Variants in LOC400499 observed in about 807,000 individuals in gnomAD.
the LOC400499 span, among the ~76,000 whole-genome samples, chr16:11,495,423 C>T: frequency 1.5e-4 from 23 of 151,060 alleles, no homozygotes; most frequent in South Asian, 2.7e-3. Context: ...CTCTCTCATT[C>T]ATCCTGGAGT....
the LOC400499 span, among the ~76,000 whole-genome samples, chr16:11,375,101 G>C: frequency 6.6e-6 from 1 of 151,230 alleles, no homozygotes; most frequent in East Asian, 1.9e-4. Flanking sequence ...GCCCACCCCA[G>C]CTTCCCATAG....
chr16:11,448,705 C>T, the LOC400499 span, among the ~76,000 whole-genome samples: 983 of 150,994 alleles, frequency 6.5e-3, 13 homozygotes, highest in African/African-American at 0.023. Context: ...CCAGCCTGGG[C>T]AACAGAATGA....
the LOC400499 span, chr16:11,442,199 A>G: frequency 6.6e-6 from 1 of 152,156 alleles, no homozygotes; most frequent in Non-Finnish European, 1.5e-5. Context: ...GTATGTCATT[A>G]AACAGCTTAT....
the LOC400499 span, among the ~76,000 whole-genome samples, chr16:11,439,746 T>C: frequency 6.6e-6 from 1 of 152,156 alleles, no homozygotes; most frequent in East Asian, 1.9e-4. Flanking sequence ...ATGCAGGCTG[T>C]GCTACTGAAA....
chr16:11,375,145 A>G, the LOC400499 span, among the ~76,000 whole-genome samples: 77,900 of 128,958 alleles, frequency 0.6, 25,689 homozygotes, highest in Non-Finnish European at 0.66. Flanking sequence ...ACTGCACCTG[A>G]CCTATTAACT....
the LOC400499 span, chr16:11,469,588 C>A: frequency 5.0e-6 from 2 of 399,056 alleles, no homozygotes; most frequent in East Asian, 3.6e-5. Context: ...CATGTCCACC[C>A]CGACGTCCCT....
chr16:11,460,847 G>T, the LOC400499 span: 3 of 1,342,400 alleles, frequency 2.2e-6, no homozygotes, highest in Non-Finnish European at 3.0e-6. Flanking sequence ...CCAACAGAAT[G>T]ACTAATGGAA....
the LOC400499 span, among the ~76,000 whole-genome samples, chr16:11,379,308 C>T: frequency 3.9e-5 from 6 of 152,262 alleles, no homozygotes; most frequent in African/African-American, 1.4e-4. Flanking sequence ...TCTGTTTCTC[C>T]TTTCATTCTA....
chr16:11,388,365 C>G, the LOC400499 span, among the ~76,000 whole-genome samples: 2 of 152,166 alleles, frequency 1.3e-5, no homozygotes, highest in African/African-American at 4.8e-5. Context: ...CACAGGGAGT[C>G]TTTTCCCCAT....
At chr16:11,442,657 A>C in the LOC400499 span, 1 of 152,222 alleles carries the variant, frequency 6.6e-6, no homozygotes, top group Non-Finnish European at 1.5e-5. Flanking sequence ...TTCTTCTTAT[A>C]AACACTGGAA....
the LOC400499 span, chr16:11,459,925 C>G: frequency 6.7e-7 from 1 of 1,486,452 alleles, no homozygotes; most frequent in Non-Finnish European, 8.9e-7. Context: ...AGGGCGGGCC[C>G]CGAGTCATTC....
the LOC400499 span, chr16:11,380,981 T>G: frequency 6.3e-6 from 1 of 158,676 alleles, no homozygotes; most frequent in Non-Finnish European, 1.4e-5. Context: ...ATTCCTGCCT[T>G]AAGCCTGGCT....
chr16:11,455,837 A>G, the LOC400499 span, among the ~76,000 whole-genome samples: 24 of 152,054 alleles, frequency 1.6e-4, no homozygotes, highest in Non-Finnish European at 2.5e-4. Context: ...ATAAACTTTA[A>G]TCTTTTAGAT....
At chr16:11,409,937 T>C in the LOC400499 span, among the ~76,000 whole-genome samples, 1 of 152,230 alleles carries the variant, frequency 6.6e-6, no homozygotes, top group African/African-American at 2.4e-5. Context: ...CAGTAGCTTT[T>C]ATATAGGTTG....
At chr16:11,450,827 G>C in the LOC400499 span, 1 of 1,524,132 alleles carries the variant, frequency 6.6e-7, no homozygotes, top group Non-Finnish European at 8.8e-7. Context: ...GCTCCTGCAA[G>C]CAACAAAGAA....
the LOC400499 span, among the ~76,000 whole-genome samples, chr16:11,419,209 G>C: frequency 6.6e-6 from 1 of 151,812 alleles, no homozygotes; most frequent in Non-Finnish European, 1.5e-5. Flanking sequence ...ATACTACAAG[G>C]CTACAGTAAC....
the LOC400499 span, chr16:11,493,810 G>C: frequency 2.8e-6 from 1 of 363,394 alleles, no homozygotes; most frequent in Non-Finnish European, 4.7e-6. Flanking sequence ...AATCGAGATG[G>C]AGGTAGGACC....
chr16:11,452,070 T>C, the LOC400499 span, among the ~76,000 whole-genome samples: 8 of 151,972 alleles, frequency 5.3e-5, no homozygotes, highest in Non-Finnish European at 1.0e-4. Flanking sequence ...AAGTTTTGAG[T>C]CTCCAATTAG....
chr16:11,448,129 C>T, the LOC400499 span: 12 of 1,502,678 alleles, frequency 8.0e-6, no homozygotes, highest in African/African-American at 5.5e-5. Context: ...AAGCTGCAGA[C>T]CTGCCTTGCA....
Sources: allele counts gnomAD v4.1 joint callset (sites outside exome capture counted in the v4.1 genomes callset), GRCh38; gene constraint gnomAD v4.1.1; transcripts MANE v1.5.